The following DTNB variants were observed in gnomAD, a reference collection of about 807,000 sequenced individuals.
DTNB encodes the protein DTN-B.
A neutral mutation model predicts 90.7 loss-of-function variants in DTNB; 63 were observed. The ratio of observed to expected loss-of-function variants is 0.69; its 90% CI spans 0.57 to 0.86. DTNB has a LOEUF of 0.86. Ranked by LOEUF, DTNB falls within the 40% of genes least tolerant of loss-of-function variation. The probability of loss-of-function intolerance (pLI) is 0.00; values close to 1 mark genes in which losing one functional copy is unlikely to be tolerated. For synonymous variants in DTNB, 277 were observed against 286.7 expected (o/e 0.97, Z 0.34); for missense variants, 744 against 807.1 (o/e 0.92, Z 0.95).
chr2:25,432,133 T>C (rs1337186910), intron 14 of DTNB, among the ~76,000 whole-genome samples: 2 of 151,496 alleles, frequency 1.3e-5, no homozygotes, highest in African/African-American at 4.9e-5. Flanking sequence ...AATCCACTAT[T>C]TGAAAATCTA....
At chr2:25,426,730 A>G (rs1279520903) in intron 15 of DTNB, 2 of 152,234 alleles carry the variant, frequency 1.3e-5, no homozygotes, top group Non-Finnish European at 2.9e-5. Flanking sequence ...GACAATTTCC[A>G]TAATAAATCC....
chr2:25,519,283 G>A (rs1553480193), intron 9 of DTNB, among the ~76,000 whole-genome samples: 3 of 151,702 alleles, frequency 2.0e-5, no homozygotes, highest in Non-Finnish European at 2.9e-5. Flanking sequence ...AGGATCTCTT[G>A]AGCCCAGGAG....
intron 14 of DTNB, among the ~76,000 whole-genome samples, chr2:25,432,001 G>T (rs375001669): frequency 1.3e-5 from 2 of 151,902 alleles, no homozygotes; most frequent in African/African-American, 4.8e-5. Context: ...TTTTATTGAT[G>T]ATATAAATCT....
chr2:25,632,810 G>A (rs1253513797), intron 3 of DTNB, among the ~76,000 whole-genome samples: 4 of 152,158 alleles, frequency 2.6e-5, no homozygotes, highest in Non-Finnish European at 5.9e-5. Flanking sequence ...ACAGAAAACA[G>A]GCTAAGACAA....
At chr2:25,535,020 C>T (rs1180555965) in intron 8 of DTNB, among the ~76,000 whole-genome samples, 1 of 150,536 alleles carries the variant, frequency 6.6e-6, no homozygotes, top group Non-Finnish European at 1.5e-5. Context: ...AGGCGCTCCT[C>T]ACCTCCCAGA....
At chr2:25,471,907 T>A (rs1253028577) in intron 10 of DTNB, among the ~76,000 whole-genome samples, 1 of 152,092 alleles carries the variant, frequency 6.6e-6, no homozygotes, top group Non-Finnish European at 1.5e-5. Flanking sequence ...TAGTTAGTCA[T>A]GTGAAACGCA....
chr2:25,417,455 T>C (rs2048258833), intron 16 of DTNB, among the ~76,000 whole-genome samples: 1 of 152,230 alleles, frequency 6.6e-6, no homozygotes, highest in Non-Finnish European at 1.5e-5. Context: ...TCCATAAAAA[T>C]TTTAAAAATT....
intron 1 of DTNB, among the ~76,000 whole-genome samples, chr2:25,669,815 G>A (rs1198019954): frequency 2.6e-5 from 4 of 151,702 alleles, no homozygotes; most frequent in African/African-American, 4.8e-5. Flanking sequence ...ATGGTGGCAC[G>A]CAAGTGTAGT....
intron 8 of DTNB, among the ~76,000 whole-genome samples, chr2:25,569,865 G>A (rs992482529): frequency 5.3e-5 from 8 of 151,954 alleles, no homozygotes; most frequent in African/African-American, 1.9e-4. Context: ...GGAAGGCCGA[G>A]GCGGGCAGAT....
chr2:25,399,232 A>G (rs931789529), intron 16 of DTNB, among the ~76,000 whole-genome samples: 3 of 151,768 alleles, frequency 2.0e-5, no homozygotes, highest in African/African-American at 7.3e-5. Flanking sequence ...TATTTTTAGT[A>G]GAGATGGGGT....
chr2:25,584,504 T>G (rs2062044440), intron 6 of DTNB, among the ~76,000 whole-genome samples: 1 of 152,204 alleles, frequency 6.6e-6, no homozygotes, highest in South Asian at 2.1e-4. Flanking sequence ...TATGTTAACA[T>G]ATAATAGGTT....
chr2:25,410,265 T>C (rs1179359289), intron 16 of DTNB, among the ~76,000 whole-genome samples: 2 of 152,056 alleles, frequency 1.3e-5, no homozygotes, highest in African/African-American at 4.8e-5. Context: ...GACAGAAATA[T>C]AGTACAGGAG....
chr2:25,560,281 TTGAC>T (rs748380405), intron 8 of DTNB, among the ~76,000 whole-genome samples: 1 of 152,210 alleles, frequency 6.6e-6, no homozygotes, highest in Non-Finnish European at 1.5e-5. Flanking sequence ...ATGTGTCAAT[TTGAC>T]TGGGCTATGA....
At chr2:25,466,560 C>T (rs559876629) in intron 10 of DTNB, among the ~76,000 whole-genome samples, 75 of 152,216 alleles carry the variant, frequency 4.9e-4, no homozygotes, top group African/African-American at 1.7e-3. Flanking sequence ...CTCCTGTGGC[C>T]GAGTCACTCA....
chr2:25,526,391 ATATATTT>A lies in DTNB; in HGVS notation c.1001+5075_1001+5081del, dbSNP rs1426902919. 6.4e-3 allele frequency among the ~76,000 whole-genome samples: 411 copies of A among 64,554 alleles called. 5 individuals are homozygous for A. The highest frequency in any genetic ancestry group is 0.027 in the African/African-American group (337 of 12,302). 42.3% of individuals were successfully genotyped at this position (64,554 alleles called of 152,430 possible). ...TATATATATATATATATATATATAT[ATATATTT>A]TTTTTTTTTTAATTGAGACAGAGTT... is the stretch of plus-strand genomic sequence containing the variant. On this transcript the variant is annotated intron_variant, in intron 9 of 20. Coordinates refer to ENST00000406818, the MANE Select transcript of DTNB (RefSeq NM_021907.5).
chr2:25,663,615 G>A (rs2083727681), intron 1 of DTNB, among the ~76,000 whole-genome samples: 1 of 152,070 alleles, frequency 6.6e-6, no homozygotes, highest in African/African-American at 2.4e-5. Flanking sequence ...GTTTTAGCGG[G>A]GGTGGGGAGC....
chr2:25,432,654 C>G (rs553613377), intron 14 of DTNB, among the ~76,000 whole-genome samples: 1 of 152,300 alleles, frequency 6.6e-6, no homozygotes, highest in African/African-American at 2.4e-5. Context: ...GGTCCTGGAG[C>G]TGGGAGACTG....
In DTNB at chr2:25,652,668, A is replaced by T. The variant is rs1261524453; in HGVS notation, c.-1-7T>A. 6.2e-7 allele frequency: 1 copy of T among 1,610,708 alleles called. No homozygotes were observed. The highest frequency in any genetic ancestry group is 1.3e-5 in the African/African-American group (1 of 74,692). ...CCCACTTTCCTCAATCATCCTAGAG[A>T]CAAAGAAAGATACAATAAACCACTG... is the stretch of plus-strand genomic sequence containing the variant. On this transcript the variant is annotated splice_region_variant and splice_polypyrimidine_tract_variant and intron_variant, in intron 1 of 20. Transcript: ENST00000406818.
chr2:25,393,304 C>T (rs1019445462), intron 16 of DTNB, among the ~76,000 whole-genome samples: 7 of 152,118 alleles, frequency 4.6e-5, no homozygotes, highest in Non-Finnish European at 1.0e-4. Context: ...TGAGAGCATT[C>T]CCCCTGAGAA....
Sources: allele counts gnomAD v4.1 joint callset (sites outside exome capture counted in the v4.1 genomes callset), GRCh38; gene constraint gnomAD v4.1.1; transcripts MANE v1.5; gene names NCBI Gene and HGNC (gene_info 2026-07-23, HGNC 2026-07-21).